The following H2BC18 variants were observed in gnomAD, a reference collection of about 807,000 sequenced individuals.
H2BC18 encodes the protein H2B clustered histone 18.
Under a neutral mutation model 6.3 loss-of-function variants are expected in H2BC18, and 8 were observed. The observed-to-expected ratio is 1.28, with a 90% CI of 0.75 to 2.31. H2BC18 has a LOEUF of 2.31. Among genes scored for constraint, H2BC18 ranks in the 30% most tolerant of loss-of-function variants. The pLI is 0.00. For missense variants in H2BC18, 106 were observed against 174.5 expected (o/e 0.61, Z 2.21); for synonymous variants, 104 against 78.1 (o/e 1.33, Z -1.75).
At chr1:149,793,176 A>C (rs1200667098) in intron 1 of H2BC18, 3 of 1,279,306 alleles carry the variant, frequency 2.3e-6, no homozygotes, top group Non-Finnish European at 3.0e-6. Context: ...AGGAAACGGG[A>C]GGACGGCGCT....
intron 1 of H2BC18, among the ~76,000 whole-genome samples, chr1:149,793,616 G>A (rs2091765035): frequency 6.6e-6 from 1 of 151,818 alleles, no homozygotes; most frequent in Non-Finnish European, 1.5e-5. Flanking sequence ...ACCTGTGAGG[G>A]TCTTGGGCCC....
At chr1:149,791,643 T>C in intron 1 of H2BC18, 1 of 1,482,382 alleles carries the variant, frequency 6.7e-7, no homozygotes, top group South Asian at 1.3e-5. Context: ...ATGTAACTCT[T>C]AAAGCAAATA....
chr1:149,785,708 T>C (rs1298847249), intron 1 of H2BC18: 6 of 152,160 alleles, frequency 3.9e-5, no homozygotes, highest in African/African-American at 1.4e-4. Flanking sequence ...ATATAACTTA[T>C]GTACAACAAG....
At position 149,812,116 on chromosome 1, in the gene H2BC18, TGTC is replaced by T. The variant is rs1559758008; in HGVS notation, c.205_207del (p.Asp69del). On this transcript the variant is annotated inframe_deletion, in exon 1 of 1. Coordinates refer to ENST00000369167, the MANE Select transcript of H2BC18 (RefSeq NM_001024599.5). ...GCCTCTCCCGCGATGCGCTCGAAGA[TGTC>T]GTTGACGAAGGAGTTCATGATGCCC... 1.2e-6 allele frequency: 2 copies of T among 1,614,252 alleles called. No homozygotes were observed. The highest frequency in any genetic ancestry group is 8.5e-7 in the Non-Finnish European group (1 of 1,180,046).
rs587599055 is a variant in H2BC18, at chr1:149,790,541, T to A, written c.378-7281A>T. On this transcript the variant is annotated intron_variant, in intron 1 of 1. Transcript: ENST00000545683. ...TGTTAAATTTCCTTTCCTTTCTTTT[T>A]CTTTTTCCTTTGCCTTTCCTTCCTC... The A allele has an allele frequency of 2.0e-3, 1,941 of 961,292 alleles. 23 individuals carry two copies. The African/African-American group carries it at 0.029, about 15-fold the overall frequency. The allele number at this position is 961,292 out of a possible 1,614,324, so 59.5% of individuals were successfully genotyped here.
intron 1 of H2BC18, chr1:149,784,193 T>C (rs1381905291): frequency 1.2e-6 from 2 of 1,611,072 alleles, no homozygotes; most frequent in Admixed American, 3.3e-5. Context: ...ATGACAGTGG[T>C]GAATACAGGT....
downstream of H2BC18, chr1:149,811,400 A>G (rs1302185511): frequency 6.3e-6 from 1 of 157,494 alleles, no homozygotes; most frequent in Non-Finnish European, 1.4e-5. Flanking sequence ...CTAAGTCAGG[A>G]CTTGCAAAAA....
Position 149,801,041 on chromosome 1 carries a change from G to A in H2BC18, c.377+10906C>T, listed in dbSNP as rs1451069482. Among the ~76,000 whole-genome samples the A allele has an allele frequency of 1.1e-4, 17 of 152,270 alleles. No individual in the cohort carries two copies. In the South Asian group the frequency reaches 1.7e-3, roughly 15 times the overall value. ...GTTGGGGCTGCAGTGAGTTGAGATC[G>A]TGCCACTGCACTCCAGCATGGGTAA... is the stretch of plus-strand genomic sequence containing the variant. On this transcript the variant is annotated intron_variant, in intron 1 of 1. Transcript: ENST00000545683.
intron 1 of H2BC18, chr1:149,788,370 G>T: frequency 6.2e-7 from 1 of 1,612,602 alleles, no homozygotes; most frequent in East Asian, 2.2e-5. Flanking sequence ...TTTCAGGCTG[G>T]CTACTACTGC....
At chr1:149,807,827 G>GAGAGAGAGAGAA (rs1553754045), downstream of H2BC18, among the ~76,000 whole-genome samples, 7,837 of 151,844 alleles carry the variant, frequency 0.052, 255 homozygotes, top group Non-Finnish European at 0.078. Context: ...AAGAAAGAGA[G>GAGAGAGAGAGAA]AGAGAGAGAG....
At chr1:149,807,718 C>G (rs1264220047), downstream of H2BC18, among the ~76,000 whole-genome samples, 1 of 151,864 alleles carries the variant, frequency 6.6e-6, no homozygotes, top group African/African-American at 2.4e-5. Flanking sequence ...GCAGGAGAAT[C>G]GCTTGAACCC....
At chr1:149,788,787 C>T (rs1450336985) in intron 1 of H2BC18, among the ~76,000 whole-genome samples, 1 of 152,112 alleles carries the variant, frequency 6.6e-6, no homozygotes, top group African/African-American at 2.4e-5. Flanking sequence ...GAACTGAGGT[C>T]TCTGGGTCCT....
At chr1:149,800,889 C>T (rs2664706) in intron 1 of H2BC18, among the ~76,000 whole-genome samples, 1 of 151,994 alleles carries the variant, frequency 6.6e-6, no homozygotes, top group African/African-American at 2.4e-5. Context: ...AGTTTGAGAC[C>T]AGCCTGGGCA....
rs781979162 is a variant in H2BC18, at chr1:149,792,670, G to A, written c.378-9410C>T. The A allele has an allele frequency of 3.1e-6, 4 of 1,278,350 alleles. No individual in the cohort carries two copies. In the South Asian group the frequency reaches 5.0e-5, roughly 16 times the overall value. 79.2% of individuals were successfully genotyped at this position (1,278,350 alleles called of 1,614,324 possible). On this transcript the variant is annotated intron_variant, in intron 1 of 1. Transcript: ENST00000545683. ...CCGCCTGTATCTGGGGGCCGCAGCC[G>A]CCAGCGCCCGGGGACCCAGCTGCGG... is the stretch of plus-strand genomic sequence containing the variant.
intron 1 of H2BC18, among the ~76,000 whole-genome samples, chr1:149,802,133 GAAT>G (rs2091878999): frequency 1.3e-5 from 2 of 151,960 alleles, no homozygotes; most frequent in East Asian, 3.9e-4. Flanking sequence ...AGTTATTTAA[GAAT>G]AATTTCCATT....
At chr1:149,807,831 GAGAGAGAA>G (rs1321007628), downstream of H2BC18, among the ~76,000 whole-genome samples, 2 of 151,966 alleles carry the variant, frequency 1.3e-5, no homozygotes, top group African/African-American at 4.8e-5. Context: ...AAGAGAGAGA[GAGAGAGAA>G]AGAGAGAAAA....
At chr1:149,809,743 GAA>G (rs1439214382), downstream of H2BC18, among the ~76,000 whole-genome samples, 1 of 148,400 alleles carries the variant, frequency 6.7e-6, no homozygotes, top group African/African-American at 2.6e-5. Flanking sequence ...GGCCTTAAGA[GAA>G]AGACTTCCCT....
At chr1:149,789,736 C>A (rs1276113443) in intron 1 of H2BC18, among the ~76,000 whole-genome samples, 1 of 152,120 alleles carries the variant, frequency 6.6e-6, no homozygotes, top group Non-Finnish European at 1.5e-5. Context: ...TGAGGTGGAA[C>A]AGTTACCTTC....
At chr1:149,791,275 T>TTCTA (rs781902630) in intron 1 of H2BC18, 17 of 1,604,640 alleles carry the variant, frequency 1.1e-5, no homozygotes, top group Non-Finnish European at 1.4e-5. Flanking sequence ...TCATGTCCTT[T>TTCTA]TCTATCTGGC....
Sources: allele counts gnomAD v4.1 joint callset (sites outside exome capture counted in the v4.1 genomes callset), GRCh38; gene constraint gnomAD v4.1.1; transcripts MANE v1.5; gene names NCBI Gene and HGNC (gene_info 2026-07-23, HGNC 2026-07-21).